FAM184B: variants seen among roughly 807,000 people sequenced by gnomAD.
The protein encoded by FAM184B is family with sequence similarity 184 member B.
FAM184B carries 111 observed loss-of-function variants against 135.9 expected under a neutral mutation model. The ratio of observed to expected loss-of-function variants is 0.82; its 90% CI spans 0.70 to 0.96. The LOEUF (loss-of-function observed/expected upper bound fraction) is 0.96, where lower values mean the gene tolerates loss of function less well. Ranked by LOEUF, FAM184B falls within the 40% of genes least tolerant of loss-of-function variation. The probability of loss-of-function intolerance (pLI) is 0.00; values close to 1 mark genes in which losing one functional copy is unlikely to be tolerated. For synonymous variants in FAM184B, 552 were observed against 524.8 expected (o/e 1.05, Z -0.71); for missense variants, 1,375 against 1,323.9 (o/e 1.04, Z -0.60).
chr4:17,758,540 G>A (rs993164895), intron 1 of FAM184B, among the ~76,000 whole-genome samples: 2 of 152,328 alleles, frequency 1.3e-5, no homozygotes, highest in East Asian at 3.9e-4. Flanking sequence ...AATGTGACAG[G>A]TGTGATTTTT....
Position 17,658,706 on chromosome 4 carries a change from C to T in FAM184B, c.1825-144G>A, listed in dbSNP as rs895149592. 3.3e-5 allele frequency: 26 copies of T among 791,776 alleles called. No homozygotes were observed. In the African/African-American group the frequency reaches 4.5e-4, roughly 14 times the overall value. The allele number at this position is 791,776 out of a possible 1,614,324, so 49.0% of individuals were successfully genotyped here. On this transcript the variant is annotated intron_variant, in intron 9 of 17. Transcript: ENST00000265018. ...ACTCTGAAGGGATGGAAGCTGCAAG[C>T]TTTAAGGACCTGGGGGTGGCCAGTC...
At position 17,684,222 on chromosome 4, in the gene FAM184B, C is replaced by CTAT. The variant is rs34197597; in HGVS notation, c.1596+4199_1596+4201dup. Reference sequence around the variant, plus strand: ...TATATAAAAAATAATAATATAATTACTATTATTATTATTATTATTCATGAG... The same window carrying CTAT: ...TATATAAAAAATAATAATATAATTACTATTATTATTATTATTATTATTCATGAG... On this transcript the variant is annotated intron_variant, in intron 7 of 17. Coordinates refer to ENST00000265018, the MANE Select transcript of FAM184B (RefSeq NM_015688.2). Among the ~76,000 whole-genome samples, 223 of 144,552 alleles carry CTAT rather than the reference C, an allele frequency of 1.5e-3. 2 individuals carry two copies. Among genetic ancestry groups the CTAT allele is most frequent in the African/African-American group, 5.6e-3 (220 of 39,388 alleles). 94.8% of individuals were successfully genotyped at this position (144,552 alleles called of 152,430 possible). A position where few individuals can be genotyped will look rare whatever the true frequency, so the allele number is the denominator to read the frequency against.
At chr4:17,770,546 C>G (rs1047861349) in intron 1 of FAM184B, among the ~76,000 whole-genome samples, 2 of 152,146 alleles carry the variant, frequency 1.3e-5, no homozygotes, top group African/African-American at 4.8e-5. Context: ...TCACTGCAAC[C>G]TCCGCCTCCC....
chr4:17,696,528 T>C (rs1483146535), intron 5 of FAM184B, among the ~76,000 whole-genome samples: 1 of 152,206 alleles, frequency 6.6e-6, no homozygotes, highest in Admixed American at 6.5e-5. Flanking sequence ...ACTAAAAGGC[T>C]GGAACCATCG....
intron 1 of FAM184B, among the ~76,000 whole-genome samples, chr4:17,747,044 CAAA>C (rs11342758): frequency 7.1e-5 from 7 of 98,496 alleles, no homozygotes; most frequent in Admixed American, 1.1e-4. Flanking sequence ...GACTCCATCT[CAAA>C]AAAAAAAAAA....
At chr4:17,709,848 G>A (rs1037012073) in intron 1 of FAM184B, among the ~76,000 whole-genome samples, 1 of 152,350 alleles carries the variant, frequency 6.6e-6, no homozygotes, top group Admixed American at 6.5e-5. Flanking sequence ...GAAGGACTTG[G>A]ATTGGGAGCA....
At chr4:17,694,665 C>T (rs566141566) in intron 5 of FAM184B, among the ~76,000 whole-genome samples, 2 of 152,236 alleles carry the variant, frequency 1.3e-5, no homozygotes, top group South Asian at 4.2e-4. Flanking sequence ...GTTACTCATT[C>T]ATTCAACAAA....
intron 1 of FAM184B, among the ~76,000 whole-genome samples, chr4:17,761,211 C>T (rs1016775516): frequency 6.6e-6 from 1 of 152,096 alleles, no homozygotes; most frequent in African/African-American, 2.4e-5. Flanking sequence ...AGTCCCCTCA[C>T]ATGTCCTTAT....
At chr4:17,773,272 T>G (rs1404606701) in intron 1 of FAM184B, among the ~76,000 whole-genome samples, 3 of 152,162 alleles carry the variant, frequency 2.0e-5, no homozygotes, top group African/African-American at 7.2e-5. Flanking sequence ...TTGCAAAGTA[T>G]GCAAAACTAA....
At chr4:17,690,367 A>G (rs1716703820) in intron 6 of FAM184B, among the ~76,000 whole-genome samples, 1 of 152,184 alleles carries the variant, frequency 6.6e-6, no homozygotes, top group South Asian at 2.1e-4. Context: ...AGGACGGGAC[A>G]GAGGCAGCAG....
chr4:17,767,675 G>A (rs966562932), intron 1 of FAM184B, among the ~76,000 whole-genome samples: 4 of 152,144 alleles, frequency 2.6e-5, no homozygotes, highest in African/African-American at 9.7e-5. Flanking sequence ...TGCTGTTTCA[G>A]CGCTCTGTCT....
At chr4:17,708,469 A>T (rs1414054338) in intron 2 of FAM184B, among the ~76,000 whole-genome samples, 1 of 151,202 alleles carries the variant, frequency 6.6e-6, no homozygotes, top group Non-Finnish European at 1.5e-5. Flanking sequence ...ACATGGCGAG[A>T]TCCTGTCTGT....
chr4:17,735,096 C>G (rs952311807), intron 1 of FAM184B, among the ~76,000 whole-genome samples: 103 of 151,796 alleles, frequency 6.8e-4, no homozygotes, highest in African/African-American at 2.5e-3. Flanking sequence ...AAACCAAACA[C>G]CACATGTTCT....
chr4:17,664,445 G>C, intron 8 of FAM184B, 117 bp downstream of exon 8: 7 of 764,448 alleles, frequency 9.2e-6, no homozygotes, highest in Non-Finnish European at 1.5e-5. Context: ...GCCTCCCCAA[G>C]CATGCTGCAA....
chr4:17,726,089 A>T (rs933510425), intron 1 of FAM184B, among the ~76,000 whole-genome samples: 15 of 151,864 alleles, frequency 9.9e-5, no homozygotes, highest in African/African-American at 3.1e-4. Flanking sequence ...ACGCCCAGCT[A>T]ATTTTTTCGT....
chr4:17,649,917 C>T (rs1044383361), intron 11 of FAM184B, among the ~76,000 whole-genome samples: 4 of 144,268 alleles, frequency 2.8e-5, no homozygotes, highest in African/African-American at 1.1e-4. Context: ...TCCATCCATT[C>T]ATCCATCCAC....
chr4:17,696,681 C>A (rs1716871285), intron 5 of FAM184B, among the ~76,000 whole-genome samples: 1 of 152,016 alleles, frequency 6.6e-6, no homozygotes, highest in Non-Finnish European at 1.5e-5. Context: ...GGCTTGTTGG[C>A]ATGTACCTGT....
chr4:17,746,593 G>A (rs1322990061), intron 1 of FAM184B, among the ~76,000 whole-genome samples: 1 of 151,484 alleles, frequency 6.6e-6, no homozygotes, highest in Non-Finnish European at 1.5e-5. Flanking sequence ...TTAGCCAGCC[G>A]TGGTGGCGGG....
At chr4:17,687,904 G>A (rs1427067535) in intron 7 of FAM184B, among the ~76,000 whole-genome samples, 2 of 152,110 alleles carry the variant, frequency 1.3e-5, no homozygotes, top group Non-Finnish European at 2.9e-5. Context: ...ATGGTCATTC[G>A]TTATGGTGAT....
Sources: allele counts gnomAD v4.1 joint callset (sites outside exome capture counted in the v4.1 genomes callset), GRCh38; gene constraint gnomAD v4.1.1; transcripts MANE v1.5; gene names NCBI Gene and HGNC (gene_info 2026-07-23, HGNC 2026-07-21).